MYO6: variants seen among roughly 807,000 people sequenced by gnomAD.
The protein encoded by MYO6 is unconventional myosin-VI.
Under a neutral mutation model 178.7 loss-of-function variants are expected in MYO6, and 74 were observed. The ratio of observed to expected loss-of-function variants is 0.41; its 90% CI spans 0.34 to 0.50. The LOEUF is 0.50. Among genes scored for constraint, MYO6 ranks in the 20% least tolerant of loss-of-function variants. The probability of loss-of-function intolerance (pLI) is 0.09; values close to 1 mark genes in which losing one functional copy is unlikely to be tolerated. For missense variants in MYO6, 1,330 were observed against 1,547.4 expected, an observed-to-expected ratio of 0.86 and a Z score of 2.36; for synonymous variants, 477 against 504.6, an observed-to-expected ratio of 0.95 and a Z score of 0.73.
chr6:75,766,393 A>G (rs1280263017), intron 1 of MYO6, among the ~76,000 whole-genome samples: 1 of 152,080 alleles, frequency 6.6e-6, no homozygotes, highest in African/African-American at 2.4e-5. Context: ...TGTATATTTT[A>G]TATATATACA....
intron 1 of MYO6, among the ~76,000 whole-genome samples, chr6:75,777,556 T>C (rs905087420): frequency 2.0e-5 from 3 of 152,028 alleles, no homozygotes; most frequent in Admixed American, 1.3e-4. Context: ...GTCTCCCCAG[T>C]AGCTGGGACT....
At chr6:75,885,678 C>T (rs1464094907) in intron 23 of MYO6, among the ~76,000 whole-genome samples, 1 of 152,076 alleles carries the variant, frequency 6.6e-6, no homozygotes, top group Non-Finnish European at 1.5e-5. Flanking sequence ...AATCTCCCGA[C>T]CCTACGATCC....
chr6:75,890,322 A>G, intron 26 of MYO6, 57 bp downstream of exon 26: 3 of 1,605,508 alleles, frequency 1.9e-6, no homozygotes, highest in Admixed American at 1.7e-5. Flanking sequence ...AATTCTTGGT[A>G]TTGACAGTGG....
chr6:75,877,019 G>A (rs913871967), intron 20 of MYO6, among the ~76,000 whole-genome samples: 1 of 151,798 alleles, frequency 6.6e-6, no homozygotes, highest in Non-Finnish European at 1.5e-5. Flanking sequence ...TTGTTGCCTA[G>A]GCTGGAGTGC....
chr6:75,781,917 C>CA lies in MYO6; in HGVS notation c.-48+32520dup, dbSNP rs10584481. On this transcript the variant is annotated intron_variant, in intron 1 of 34. Transcript: ENST00000369977. ...TGAGCGACTGAGCAAGACTCCATCTCAAAAAAAAAAAAAAAAAAAAAAAAA... is the reference window on the plus strand; with the variant it reads ...TGAGCGACTGAGCAAGACTCCATCTCAAAAAAAAAAAAAAAAAAAAAAAAAA... Among the ~76,000 whole-genome samples, 368 of 44,456 alleles carry CA rather than the reference C, an allele frequency of 8.3e-3. 16 individuals are homozygous for CA. Among genetic ancestry groups the CA allele is most frequent in the Non-Finnish European group, 0.013 (295 of 22,428 alleles). The allele number at this position is 44,456 out of a possible 152,430, so 29.2% of individuals were successfully genotyped here. A position where few individuals can be genotyped will look rare whatever the true frequency, so the allele number is the denominator to read the frequency against.
At chr6:75,835,040 A>G (rs1009866551) in intron 6 of MYO6, among the ~76,000 whole-genome samples, 2 of 152,214 alleles carry the variant, frequency 1.3e-5, no homozygotes, top group African/African-American at 4.8e-5. Context: ...TGCCAGGCAA[A>G]TAGTTATTTC....
rs777624995 is a variant in MYO6, at chr6:75,838,976, G to GT, written c.554-1602dup. On this transcript the variant is annotated intron_variant, in intron 7 of 34. Coordinates refer to ENST00000369977, the MANE Select transcript of MYO6 (RefSeq NM_004999.4). ...CGCCTGGCTGACCATGTTGGCTTCAGTTTTTTTATCCCATCTGAAACATGA... is the reference window on the plus strand; with the variant it reads ...CGCCTGGCTGACCATGTTGGCTTCAGTTTTTTTTATCCCATCTGAAACATGA... 3.3e-5 allele frequency among the ~76,000 whole-genome samples: 5 copies of GT among 151,224 alleles called. No homozygotes were observed. In the East Asian group the frequency reaches 5.9e-4, roughly 18 times the overall value.
intron 11 of MYO6, among the ~76,000 whole-genome samples, chr6:75,853,383 G>A (rs1192243939): frequency 6.6e-6 from 1 of 151,974 alleles, no homozygotes; most frequent in Non-Finnish European, 1.5e-5. Flanking sequence ...TGTGATTTTG[G>A]TATTATATCA....
chr6:75,826,731 C>T (rs767248818), intron 3 of MYO6, among the ~76,000 whole-genome samples: 33 of 152,110 alleles, frequency 2.2e-4, no homozygotes, highest in Non-Finnish European at 4.4e-4. Context: ...AGGAAAGCTG[C>T]CATTCAGCTG....
intron 5 of MYO6, among the ~76,000 whole-genome samples, chr6:75,830,983 G>A (rs1012619165): frequency 2.0e-5 from 3 of 152,160 alleles, no homozygotes; most frequent in Non-Finnish European, 1.5e-5. Flanking sequence ...AGCTGTAAGA[G>A]CAGACTTCTG....
At chr6:75,789,658 G>A (rs1768033212) in intron 1 of MYO6, among the ~76,000 whole-genome samples, 1 of 151,574 alleles carries the variant, frequency 6.6e-6, no homozygotes, top group Non-Finnish European at 1.5e-5. Context: ...CATATTTATG[G>A]GGTACAATGT....
rs1422036282 is a variant in MYO6, at chr6:75,868,531, G to T, written c.1944+1426G>T. Among the ~76,000 whole-genome samples the T allele has an allele frequency of 2.6e-5, 4 of 151,918 alleles. No homozygotes were observed. The East Asian group carries it at 5.8e-4, about 22-fold the overall frequency. ...TACATAATCTTTTATGTTGAGCCTT[G>T]AAACTTCTTATAATTGCTTATATTT... On this transcript the variant is annotated intron_variant, in intron 18 of 34. Transcript: ENST00000369977.
In MYO6 at chr6:75,915,032, C is replaced by T. The variant is rs1280224964; in HGVS notation, c.*20C>T. The stretch of plus-strand genomic sequence containing the variant: ...AAGTAGATGTTGCACACCAGCCTTA[C>T]AGCTGGGAGCCTTTGCCATGGTACT... On this transcript the variant is annotated 3_prime_UTR_variant, in exon 35 of 35. Transcript: ENST00000369977. 6.2e-7 allele frequency: 1 copy of T among 1,601,892 alleles called. No homozygotes were observed. Among genetic ancestry groups the T allele is most frequent in the East Asian group, 2.2e-5 (1 of 44,570 alleles).
chr6:75,904,056 C>T (rs1041938710), intron 30 of MYO6, among the ~76,000 whole-genome samples: 2 of 152,080 alleles, frequency 1.3e-5, no homozygotes, highest in African/African-American at 4.8e-5. Context: ...AATATTGGCC[C>T]CAACTCTCTT....
chr6:75,829,014 C>T (rs1212659725), intron 4 of MYO6, among the ~76,000 whole-genome samples: 1 of 151,788 alleles, frequency 6.6e-6, no homozygotes, highest in East Asian at 1.9e-4. Context: ...GTAAGGCAGC[C>T]TATAAGGAAT....
intron 19 of MYO6, among the ~76,000 whole-genome samples, chr6:75,871,609 GTAT>G (rs1292117448): frequency 6.6e-6 from 1 of 152,072 alleles, no homozygotes; most frequent in Non-Finnish European, 1.5e-5. Context: ...TATTATATCA[GTAT>G]TATTGTTGCT....
chr6:75,825,127 T>C (rs565763434), intron 3 of MYO6, among the ~76,000 whole-genome samples: 1 of 152,336 alleles, frequency 6.6e-6, no homozygotes, highest in African/African-American at 2.4e-5. Context: ...GCTGTTTGAC[T>C]GTTGCTTATT....
chr6:75,888,130 A>G (rs1778607538), intron 25 of MYO6, among the ~76,000 whole-genome samples: 1 of 151,790 alleles, frequency 6.6e-6, no homozygotes, highest in Non-Finnish European at 1.5e-5. Context: ...TCTCTACTGA[A>G]AATACCAAAG....
intron 10 of MYO6, among the ~76,000 whole-genome samples, chr6:75,847,333 T>C (rs1774820547): frequency 6.6e-6 from 1 of 152,126 alleles, no homozygotes; most frequent in Non-Finnish European, 1.5e-5. Flanking sequence ...CTGGGAATCA[T>C]TTGTTTACTG....
Sources: allele counts gnomAD v4.1 joint callset (sites outside exome capture counted in the v4.1 genomes callset), GRCh38; gene constraint gnomAD v4.1.1; transcripts MANE v1.5; gene names NCBI Gene and HGNC (gene_info 2026-07-23, HGNC 2026-07-21).